Variants in NLRP5 observed in about 807,000 individuals in gnomAD.
The protein encoded by NLRP5 is NLR family pyrin domain containing 5.
NLRP5 carries 93 observed loss-of-function variants against 113.1 expected under a neutral mutation model. That is an observed-to-expected ratio of 0.82 (90% CI 0.70 to 0.98). The LOEUF is 0.98. NLRP5 is among the 50% of genes least tolerant of loss of function. NLRP5 has a pLI of 0.00. For missense variants in NLRP5, 1,808 were observed against 1,514.3 expected (o/e 1.19, Z -3.22); for synonymous variants, 751 against 600.7 (o/e 1.25, Z -3.66).
chr19:55,996,893 T>G (rs1206636257), upstream of NLRP5, among the ~76,000 whole-genome samples: 1 of 152,176 alleles, frequency 6.6e-6, no homozygotes, highest in African/African-American at 2.4e-5. Flanking sequence ...TAGTTCTAGA[T>G]CCCTGAGGAA....
rs746147069 is a variant in NLRP5 at position 56,004,081 on chromosome 19, G to C, written c.428G>C (p.Arg143Pro). 4.4e-6 allele frequency: 7 copies of C among 1,606,428 alleles called. No homozygotes were observed. Among genetic ancestry groups the C allele is most frequent in the Non-Finnish European group, 6.0e-6 (7 of 1,175,708 alleles). ...CTGCGAACCCTCTCGGAGAAGGCAC[G>C]GGATGACATGAAAAGTAAGCGAGAC... Residue 143 changes from arginine to proline, a missense_variant, in exon 2 of 15, where the codon CGG becomes CCG. By Grantham distance (103) the Arg-to-Pro change is moderately radical (BLOSUM62 -2). Coordinates refer to ENST00000390649, the MANE Select transcript of NLRP5 (RefSeq NM_153447.4).
chr19:56,050,413 C>G lies in NLRP5; in HGVS notation c.2958-5C>G, dbSNP rs1983888479. On this transcript the variant is annotated splice_polypyrimidine_tract_variant and splice_region_variant and intron_variant, in intron 11 of 14. Coordinates refer to ENST00000390649, the MANE Select transcript of NLRP5 (RefSeq NM_153447.4). ...GATCTTCTTTCCCATGTGTGTGCCC[C>G]ACAGGCTGAATCAGTGCCACCTGGA... 1.2e-6 allele frequency: 2 copies of G among 1,612,768 alleles called. No homozygotes were observed. Among genetic ancestry groups the G allele is most frequent in the Non-Finnish European group, 8.5e-7 (1 of 1,179,548 alleles).
chr19:56,027,902 G>A lies in NLRP5; in HGVS notation c.1669G>A (p.Gly557Arg), dbSNP rs199614201. ...TGACGACCTCATGGTTCAAGGACTC[G>A]GGGAGTCTGAGCTCCGTGCTCTGTT... Residue 557 changes from glycine to arginine, a missense_variant, in exon 7 of 15, where the codon GGG (glycine) becomes AGG (arginine). Physicochemically the swap from Gly to Arg is moderately radical, Grantham distance 125. Coordinates refer to ENST00000390649, the MANE Select transcript of NLRP5 (RefSeq NM_153447.4). 1.3e-5 allele frequency: 21 copies of A among 1,613,680 alleles called. No homozygotes were observed. The East Asian group carries it at 1.6e-4, about 12-fold the overall frequency.
chr19:56,039,666 C>T (rs1461591001), intron 10 of NLRP5, among the ~76,000 whole-genome samples: 2 of 152,178 alleles, frequency 1.3e-5, no homozygotes, highest in East Asian at 3.9e-4. Context: ...TAACCCAGCA[C>T]TTTGGGAGGC....
chr19:55,995,702 T>C (rs1330161069), upstream of NLRP5, among the ~76,000 whole-genome samples: 3 of 151,756 alleles, frequency 2.0e-5, no homozygotes, highest in Non-Finnish European at 4.4e-5. Flanking sequence ...TTAACAACAT[T>C]CTTCTAATCA....
At chr19:56,009,923 A>T (rs1982115992) in intron 3 of NLRP5, among the ~76,000 whole-genome samples, 1 of 152,218 alleles carries the variant, frequency 6.6e-6, no homozygotes, top group Admixed American at 6.5e-5. Flanking sequence ...TACTTTGCTC[A>T]GAGTTTGATG....
intron 4 of NLRP5, among the ~76,000 whole-genome samples, chr19:56,016,081 A>G (rs1982392047): frequency 6.6e-6 from 1 of 152,230 alleles, no homozygotes; most frequent in South Asian, 2.1e-4. Flanking sequence ...CATATATTGT[A>G]GAATGATCAA....
At chr19:56,004,882 C>T (rs1201013294) in intron 2 of NLRP5, among the ~76,000 whole-genome samples, 1 of 151,728 alleles carries the variant, frequency 6.6e-6, no homozygotes, top group African/African-American at 2.4e-5. Flanking sequence ...CACCTGAGGT[C>T]AAGAGATCGA....
chr19:56,038,753 A>T (rs28460835), intron 10 of NLRP5, among the ~76,000 whole-genome samples: 14,409 of 152,194 alleles, frequency 0.095, 1,304 homozygotes, highest in African/African-American at 0.24. Flanking sequence ...GTTGTAGCAG[A>T]AGGGCCTCCG....
upstream of NLRP5, among the ~76,000 whole-genome samples, chr19:55,994,966 T>A (rs925101629): frequency 6.6e-6 from 1 of 152,174 alleles, no homozygotes; most frequent in African/African-American, 2.4e-5. Context: ...CATATGGTTA[T>A]CCCGTTTTCG....
At chr19:56,051,465 T>G (rs1300782310) in intron 12 of NLRP5, among the ~76,000 whole-genome samples, 1 of 152,202 alleles carries the variant, frequency 6.6e-6, no homozygotes, top group African/African-American at 2.4e-5. Flanking sequence ...AGTGCTGGGA[T>G]TACAGGTGTG....
At chr19:56,031,666 T>G (rs1983121320) in intron 7 of NLRP5, among the ~76,000 whole-genome samples, 1 of 152,080 alleles carries the variant, frequency 6.6e-6, no homozygotes, top group Non-Finnish European at 1.5e-5. Context: ...ATGCAGCATT[T>G]TGCAGTATTT....
the NLRP5 span, among the ~76,000 whole-genome samples, chr19:55,991,959 C>T: frequency 5.7e-4 from 86 of 152,174 alleles, no homozygotes; most frequent in African/African-American, 2.0e-3. Context: ...CATACTATTT[C>T]CTCACCCAGG....
At chr19:56,033,804 G>C in intron 9 of NLRP5, 95 bp downstream of exon 9, 2 of 1,138,094 alleles carry the variant, frequency 1.8e-6, no homozygotes, top group East Asian at 4.8e-5. Context: ...GAGCTGCAAA[G>C]ATGGAAAAGT....
Position 56,058,402 on chromosome 19 carries a change from G to C in NLRP5, c.3462G>C (p.Gln1154His). ...TTGCCTGTCCCACGTCTAACTTACA[G>C]ATAATTGGGTAAGTCGCCAGCAATT... The change falls in exon 14 of 15, where the codon CAG (glutamine) becomes CAC (histidine). Residue 1154 changes from glutamine to histidine, a missense_variant. Physicochemically the swap from Gln to His is conservative, Grantham distance 24. Transcript: ENST00000390649. 1 of 1,612,478 alleles carries C rather than the reference G, an allele frequency of 6.2e-7. No individual in the cohort carries two copies. The highest frequency in any genetic ancestry group is 8.5e-7 in the Non-Finnish European group (1 of 1,179,068).
chr19:56,006,328 A>G (rs984517951), intron 2 of NLRP5, among the ~76,000 whole-genome samples: 2 of 152,128 alleles, frequency 1.3e-5, no homozygotes. Flanking sequence ...TAATGTAAAT[A>G]ACGAGTTAAT....
Position 56,031,325 on chromosome 19 carries a change from A to AT in NLRP5, c.2277-1283dup, listed in dbSNP as rs755608382. Among the ~76,000 whole-genome samples, 37 of 152,168 alleles carry AT rather than the reference A, an allele frequency of 2.4e-4. 1 individual carries two copies. The highest frequency in any genetic ancestry group is 1.4e-3 in the Admixed American group (22 of 15,258). On this transcript the variant is annotated intron_variant, in intron 7 of 14. Transcript: ENST00000390649. ...CACTCTACTTTCTGCTATTTTAGAC[A>AT]TTTCAAAGTAGAATCATGAGCCCAG...
rs766420628 is a variant in NLRP5, at chr19:56,015,796, A to T, written c.563A>T (p.Gln188Leu). Residue 188 changes from glutamine to leucine, a missense_variant and splice_region_variant, in exon 4 of 15, where the codon CAA becomes CTA. Physicochemically the swap from Gln to Leu is moderately radical, Grantham distance 113 (BLOSUM62 -2). Transcript: ENST00000390649. ...GCCACAGCTGCAGAGACAAAAGAACAAGGTGAATGAAATAGATCTATTCAT... is the reference window on the plus strand; with the variant it reads ...GCCACAGCTGCAGAGACAAAAGAACTAGGTGAATGAAATAGATCTATTCAT... The T allele has an allele frequency of 2.6e-6, 4 of 1,564,942 alleles. No individual in the cohort carries two copies. In the South Asian group the frequency reaches 4.7e-5, roughly 19 times the overall value.
chr19:56,010,547 C>A (rs1982140958), intron 3 of NLRP5, among the ~76,000 whole-genome samples: 1 of 151,174 alleles, frequency 6.6e-6, no homozygotes, highest in South Asian at 2.1e-4. Flanking sequence ...GAGTTCGAGA[C>A]CAGTCTGACC....
Sources: allele counts gnomAD v4.1 joint callset (sites outside exome capture counted in the v4.1 genomes callset), GRCh38; gene constraint gnomAD v4.1.1; transcripts MANE v1.5; gene names NCBI Gene and HGNC (gene_info 2026-07-23, HGNC 2026-07-21).